Variants in USP24 observed in about 807,000 individuals in gnomAD.
USP24 encodes the protein ubiquitin specific peptidase 24.
In USP24, 97 loss-of-function variants were observed where a neutral mutation model predicts 361.6. That is an observed-to-expected ratio of 0.27 (90% CI 0.23 to 0.32). USP24 has a LOEUF of 0.32. Among genes scored for constraint, USP24 ranks in the 10% least tolerant of loss-of-function variants. The pLI, the probability that USP24 is intolerant of heterozygous loss-of-function variation, is 1.00. For synonymous variants in USP24, 1,098 were observed against 1,124.6 expected (o/e 0.98, Z 0.47); for missense variants, 2,353 against 3,165.6 (o/e 0.74, Z 6.16).
rs747859309 is a variant in USP24, at chr1:55,172,465, T to C, written c.614A>G (p.Tyr205Cys). 3.1e-6 allele frequency: 5 copies of C among 1,613,580 alleles called. No individual in the cohort carries two copies. Among genetic ancestry groups the C allele is most frequent in the Non-Finnish European group, 4.2e-6 (5 of 1,179,670 alleles). ...KWGTEIHEGIYNMLMLLIELV... is the reference protein window; with the variant it reads ...KWGTEIHEGICNMLMLLIELV... The stretch of plus-strand genomic sequence containing the variant: ...TTCTATTAATAGCATCAACATGTTG[T>C]AAATTCCTTCATGAATTTCAGTACC... The change falls in exon 4 of 68, where the codon TAC becomes TGC. Residue 205 changes from tyrosine to cysteine, a missense_variant. Transcript: ENST00000294383.
intron 37 of USP24, among the ~76,000 whole-genome samples, chr1:55,121,187 G>A (rs907684638): frequency 3.3e-5 from 5 of 152,132 alleles, no homozygotes; most frequent in Non-Finnish European, 7.4e-5. Context: ...TGGTTGTAAC[G>A]TTGTTATAAA....
intron 53 of USP24, 128 bp downstream of exon 53, chr1:55,092,693 G>A (rs981481777): frequency 1.5e-6 from 1 of 673,382 alleles, no homozygotes; most frequent in Middle Eastern, 3.0e-4. Context: ...CTACATTCAC[G>A]GGAAAACCTT....
chr1:55,157,080 C>G (rs765054393), intron 11 of USP24, 29 bp from the exon 12 acceptor site: 19 of 1,561,664 alleles, frequency 1.2e-5, no homozygotes, highest in Non-Finnish European at 1.7e-5. Flanking sequence ...GAGAGAAAGT[C>G]AGATATAGTG....
chr1:55,115,229 G>A (rs944341192), intron 38 of USP24, among the ~76,000 whole-genome samples: 101 of 152,100 alleles, frequency 6.6e-4, no homozygotes, highest in African/African-American at 2.3e-3. Flanking sequence ...TCATTAAAAA[G>A]GAAACAAGGC....
At chr1:55,150,950 T>C (rs922619413) in intron 16 of USP24, among the ~76,000 whole-genome samples, 2 of 152,232 alleles carry the variant, frequency 1.3e-5, no homozygotes, top group Non-Finnish European at 2.9e-5. Context: ...TAGAGGTCAG[T>C]TGGTTTAGCC....
rs780518406 is a variant in USP24 at position 55,097,046 on chromosome 1, C to T, written c.5842G>A (p.Val1948Ile). Residue 1948 changes from valine (V) to isoleucine (I), a missense_variant, in exon 49 of 68, where the codon GTT becomes ATT. This residue lies in a region of USP24 where 598 missense variants were observed against 761.9 expected (regional missense o/e 0.78). Coordinates refer to ENST00000294383, the MANE Select transcript of USP24 (RefSeq NM_015306.3). ...AGTTCATAGTTTTCTGTGAGGGCAA[C>T]CTTTTTTCGTGGGGATCCTCCACCG... ...QGGGGSPRKK[V>I]ALTENYELVG... The T allele has an allele frequency of 6.8e-6, 11 of 1,613,914 alleles. No individual in the cohort carries two copies. Among genetic ancestry groups the T allele is most frequent in the South Asian group, 4.4e-5 (4 of 91,074 alleles).
intron 10 of USP24, among the ~76,000 whole-genome samples, chr1:55,158,361 A>T (rs1166043141): frequency 6.6e-6 from 1 of 152,260 alleles, no homozygotes; most frequent in African/African-American, 2.4e-5. Flanking sequence ...AAACCGAAGG[A>T]AAAAATAAGT....
At chr1:55,093,877 T>A in intron 52 of USP24, 60 bp downstream of exon 52, 1 of 1,600,814 alleles carries the variant, frequency 6.2e-7, no homozygotes, top group Non-Finnish European at 8.5e-7. Context: ...CTGGACCTAC[T>A]AGATACATTT....
chr1:55,116,447 A>G (rs1646118957), intron 38 of USP24, among the ~76,000 whole-genome samples: 1 of 152,074 alleles, frequency 6.6e-6, no homozygotes, highest in Admixed American at 6.5e-5. Context: ...AAAAAGGGAG[A>G]AGGATCAAAT....
In USP24 at chr1:55,129,484, C is replaced by T; in HGVS notation, c.3628G>A (p.Gly1210Ser). The change falls in exon 32 of 68, where the codon GGT (glycine) becomes AGT (serine). Residue 1210 changes from glycine (G) to serine (S), a missense_variant. By Grantham distance (56) the Gly-to-Ser change is moderately conservative. Transcript: ENST00000294383. ...TTACATTGAAACTCTAACCTCAAAC[C>T]GCCAGCTTTGAGGAAGTTTTCACAG... The part of the protein sequence containing the change: ...SFCENFLKAG[G>S]LSLVVNVMQR... 1 of 1,613,662 alleles carries T rather than the reference C, an allele frequency of 6.2e-7. No homozygotes were observed. The highest frequency in any genetic ancestry group is 8.5e-7 in the Non-Finnish European group (1 of 1,179,732).
At chr1:55,119,443 G>A (rs1160071867) in intron 38 of USP24, among the ~76,000 whole-genome samples, 1 of 152,114 alleles carries the variant, frequency 6.6e-6, no homozygotes, top group Non-Finnish European at 1.5e-5. Flanking sequence ...ATTGTTCAAT[G>A]AGTAGAGTTT....
intron 16 of USP24, among the ~76,000 whole-genome samples, chr1:55,150,674 G>A (rs1647168812): frequency 6.6e-6 from 1 of 152,090 alleles, no homozygotes; most frequent in African/African-American, 2.4e-5. Flanking sequence ...TCCTTTGAAG[G>A]TAACTTGTTA....
intron 1 of USP24, among the ~76,000 whole-genome samples, chr1:55,206,680 G>A (rs1302238624): frequency 1.3e-5 from 2 of 149,652 alleles, no homozygotes; most frequent in Non-Finnish European, 3.0e-5. Context: ...AAAAGGGTCG[G>A]GGGGGCATGA....
rs561399330 is a variant in USP24 at position 55,161,508 on chromosome 1, C to T, written c.993+691G>A. 1.7e-4 allele frequency among the ~76,000 whole-genome samples: 26 copies of T among 152,204 alleles called. No homozygotes were observed. The South Asian group carries it at 2.9e-3, about 17-fold the overall frequency. On this transcript the variant is annotated intron_variant, in intron 8 of 67. Transcript: ENST00000294383. ...GGAAAGAACAGTGCATTTAAAAACA[C>T]TGCTCCAGAAGGACACTGTGCTTTC...
Position 55,096,814 on chromosome 1 carries a change from C to T in USP24, c.5936+138G>A, listed in dbSNP as rs577485742. 91 of 1,341,240 alleles carry T rather than the reference C, an allele frequency of 6.8e-5. No homozygotes were observed. In the South Asian group the frequency reaches 1.1e-3, roughly 16 times the overall value. The allele number at this position is 1,341,240 out of a possible 1,614,324, so 83.1% of individuals were successfully genotyped here. On this transcript the variant is annotated intron_variant, in intron 49 of 67. Transcript: ENST00000294383. The stretch of plus-strand genomic sequence containing the variant: ...AATTGAAGGGGTAAAACCAGTTGCA[C>T]GAAGCTTTAAAACTTCAAAATGAAA...
chr1:55,115,906 C>A (rs1646100387), intron 38 of USP24, among the ~76,000 whole-genome samples: 1 of 152,156 alleles, frequency 6.6e-6, no homozygotes, highest in Non-Finnish European at 1.5e-5. Context: ...TCTCAGCAAA[C>A]TAACACAAGA....
intron 16 of USP24, among the ~76,000 whole-genome samples, chr1:55,152,414 G>A (rs760406468): frequency 1.3e-5 from 2 of 152,068 alleles, no homozygotes; most frequent in African/African-American, 4.8e-5. Context: ...TGGTCAGGAG[G>A]GATATTCTGG....
At chr1:55,141,054 C>T (rs1157424964) in intron 24 of USP24, among the ~76,000 whole-genome samples, 4 of 152,098 alleles carry the variant, frequency 2.6e-5, no homozygotes, top group East Asian at 1.9e-4. Context: ...AAAGTTCTCA[C>T]TAAAAATTAT....
Position 55,124,485 on chromosome 1 carries a change from G to C in USP24, c.4104C>G (p.Asn1368Lys). The change falls in exon 35 of 68, where the codon AAC (asparagine) becomes AAG (lysine). Residue 1368 changes from asparagine to lysine, a missense_variant. Physicochemically the swap from Asn to Lys is moderately conservative, Grantham distance 94 (BLOSUM62 0). Coordinates refer to ENST00000294383, the MANE Select transcript of USP24 (RefSeq NM_015306.3). ...SNSLCPAGIR[N>K]RLSSSGSNCS... ...AATCAGTACCTGAACTGCTGAGTCT[G>C]TTTCGAATTCCAGCAGGACACAGGG... The C allele has an allele frequency of 6.2e-7, 1 of 1,612,304 alleles. No homozygotes were observed.
Sources: gnomAD v4.1 joint callset for allele counts (sites outside exome capture counted in the v4.1 genomes callset) on GRCh38, gnomAD v4.1.1 for gene constraint, gnomAD v4.1.1 regional missense constraint, MANE v1.5 for transcripts, NCBI Gene and HGNC (gene_info 2026-07-23, HGNC 2026-07-21) for gene names.